Variants in VAV3 observed in about 807,000 individuals in gnomAD.
VAV3 encodes vav guanine nucleotide exchange factor 3, also known as guanine nucleotide exchange factor VAV3.
VAV3 carries 94 observed loss-of-function variants against 131.2 expected under a neutral mutation model. That is an observed-to-expected ratio of 0.72 (90% CI 0.61 to 0.85). The LOEUF is 0.85. Among genes scored for constraint, VAV3 ranks in the 40% least tolerant of loss-of-function variants. VAV3 has a pLI of 0.00. For missense variants in VAV3, 939 were observed against 1,002.7 expected (o/e 0.94, Z 0.86); for synonymous variants, 349 against 342.0 (o/e 1.02, Z -0.22).
chr1:107,915,631 A>G (rs1007710302), intron 1 of VAV3, among the ~76,000 whole-genome samples: 1 of 152,228 alleles, frequency 6.6e-6, no homozygotes, highest in Non-Finnish European at 1.5e-5. Context: ...TGTCAGTTAA[A>G]TAAGGCAAAT....
At chr1:107,669,579 G>T in intron 19 of VAV3, 2 of 1,167,678 alleles carry the variant, frequency 1.7e-6, no homozygotes, top group Non-Finnish European at 2.1e-6. Flanking sequence ...TGTAAATAAA[G>T]GTAGACTAGA....
intron 2 of VAV3, among the ~76,000 whole-genome samples, chr1:107,869,758 T>C (rs345320): frequency 0.14 from 20,917 of 152,216 alleles, 1,762 homozygotes; most frequent in Middle Eastern, 0.25. Flanking sequence ...CCGAGCAGTA[T>C]ACACTAAACC....
intron 4 of VAV3, among the ~76,000 whole-genome samples, chr1:107,774,356 C>T (rs905925705): frequency 4.6e-5 from 7 of 152,274 alleles, no homozygotes; most frequent in African/African-American, 1.4e-4. Flanking sequence ...CATGAGCCAC[C>T]GCGCCTGGCT....
intron 1 of VAV3, among the ~76,000 whole-genome samples, chr1:107,929,925 T>C (rs1673343155): frequency 6.6e-6 from 1 of 152,108 alleles, no homozygotes; most frequent in Non-Finnish European, 1.5e-5. Flanking sequence ...TTAAGTGAAA[T>C]GAGCCAGGCA....
At chr1:107,953,343 G>A (rs1674647382) in intron 1 of VAV3, among the ~76,000 whole-genome samples, 1 of 152,106 alleles carries the variant, frequency 6.6e-6, no homozygotes, top group South Asian at 2.1e-4. Flanking sequence ...CATGTACCAG[G>A]CATTTAAATA....
chr1:107,815,794 A>AT (rs1165354936), intron 2 of VAV3, among the ~76,000 whole-genome samples: 1 of 152,162 alleles, frequency 6.6e-6, no homozygotes, highest in African/African-American at 2.4e-5. Context: ...ATATGCACAA[A>AT]TTTTTTTGCC....
chr1:107,961,267 T>C (rs765933334), intron 1 of VAV3, among the ~76,000 whole-genome samples: 10 of 152,198 alleles, frequency 6.6e-5, no homozygotes, highest in East Asian at 1.9e-4. Flanking sequence ...TCATTCATGA[T>C]AGATCTAGGG....
intron 2 of VAV3, among the ~76,000 whole-genome samples, chr1:107,865,182 A>G (rs1465751579): frequency 1.1e-4 from 16 of 152,168 alleles, no homozygotes; most frequent in Admixed American, 6.5e-5. Context: ...CTTGATCTCA[A>G]AGTCTCAGGA....
chr1:107,776,418 C>A (rs567285368), intron 4 of VAV3, among the ~76,000 whole-genome samples: 1 of 152,232 alleles, frequency 6.6e-6, no homozygotes, highest in South Asian at 2.1e-4. Flanking sequence ...GGGGTGGTGG[C>A]AATTTTAGAC....
At chr1:107,729,341 T>C (rs993286512) in intron 15 of VAV3, among the ~76,000 whole-genome samples, 2 of 152,146 alleles carry the variant, frequency 1.3e-5, no homozygotes, top group African/African-American at 4.8e-5. Flanking sequence ...AAGGCAAATT[T>C]GGTATATGAT....
At chr1:107,935,394 G>GGAA (rs1673657533) in intron 1 of VAV3, among the ~76,000 whole-genome samples, 1 of 152,154 alleles carries the variant, frequency 6.6e-6, no homozygotes, top group Admixed American at 6.5e-5. Flanking sequence ...TAATTCTCCA[G>GGAA]GAAGAAAGGA....
chr1:107,622,402 G>A (rs1157691828), intron 20 of VAV3, among the ~76,000 whole-genome samples: 6 of 152,140 alleles, frequency 3.9e-5, no homozygotes, highest in Non-Finnish European at 8.8e-5. Flanking sequence ...GACAAGGATG[G>A]CTTAAAATGA....
intron 2 of VAV3, among the ~76,000 whole-genome samples, chr1:107,813,652 G>A (rs535975240): frequency 1.9e-4 from 29 of 152,078 alleles, no homozygotes; most frequent in Non-Finnish European, 3.8e-4. Flanking sequence ...AAAATGTAAT[G>A]CATTATTAAC....
At chr1:107,798,697 C>A (rs1435300583) in intron 2 of VAV3, among the ~76,000 whole-genome samples, 1 of 101,948 alleles carries the variant, frequency 9.8e-6, no homozygotes, top group Admixed American at 1.6e-4. Context: ...CCAGCCTGGG[C>A]AACATAGCAA....
chr1:107,590,078 C>T (rs1341118606), intron 25 of VAV3, among the ~76,000 whole-genome samples: 1 of 152,072 alleles, frequency 6.6e-6, no homozygotes, highest in Non-Finnish European at 1.5e-5. Context: ...GAGACCACAC[C>T]CAGGGAGAGA....
intron 1 of VAV3, among the ~76,000 whole-genome samples, chr1:107,898,072 C>G (rs868650089): frequency 6.6e-6 from 1 of 151,410 alleles, no homozygotes; most frequent in Admixed American, 6.6e-5. Context: ...GGTTTTATTA[C>G]TCCTTTGGGC....
At chr1:107,760,076 A>G (rs557990899) in intron 10 of VAV3, among the ~76,000 whole-genome samples, 1 of 152,338 alleles carries the variant, frequency 6.6e-6, no homozygotes, top group South Asian at 2.1e-4. Flanking sequence ...GAAATTTAAT[A>G]TACAAGATAT....
At chr1:107,739,922 A>C (rs950111149) in intron 15 of VAV3, among the ~76,000 whole-genome samples, 8 of 152,302 alleles carry the variant, frequency 5.3e-5, no homozygotes, top group African/African-American at 1.9e-4. Context: ...TTTCAGAGTA[A>C]ATAACAGGCA....
At chr1:107,763,514 A>G (rs996730411) in intron 9 of VAV3, among the ~76,000 whole-genome samples, 6 of 152,206 alleles carry the variant, frequency 3.9e-5, no homozygotes, top group African/African-American at 1.4e-4. Context: ...AAGTAGGTGT[A>G]TAAGTTGTAA....
Sources: gnomAD v4.1 joint callset for allele counts (sites outside exome capture counted in the v4.1 genomes callset) on GRCh38, gnomAD v4.1.1 for gene constraint, MANE v1.5 for transcripts, NCBI Gene and HGNC (gene_info 2026-07-23, HGNC 2026-07-21) for gene names.